Variants in IQSEC1 observed in about 807,000 individuals in gnomAD.
IQSEC1 encodes the protein IQ motif and SEC7 domain-containing protein 1.
Under a neutral mutation model 91.0 loss-of-function variants are expected in IQSEC1, and 31 were observed. That is an observed-to-expected ratio of 0.34 (90% CI 0.26 to 0.46). IQSEC1 has a LOEUF of 0.46. Among genes scored for constraint, IQSEC1 ranks in the 20% least tolerant of loss-of-function variants. The probability of loss-of-function intolerance (pLI) is 1.00; values close to 1 mark genes in which losing one functional copy is unlikely to be tolerated. For missense variants in IQSEC1, 1,388 were observed against 1,575.6 expected, an observed-to-expected ratio of 0.88 and a Z score of 2.02; for synonymous variants, 699 against 662.6, an observed-to-expected ratio of 1.05 and a Z score of -0.84.
At chr3:12,942,630 T>C (rs551074235) in intron 1 of IQSEC1, among the ~76,000 whole-genome samples, 17 of 152,154 alleles carry the variant, frequency 1.1e-4, no homozygotes, top group Admixed American at 2.0e-4. Flanking sequence ...GCCCCAATAA[T>C]TAACAAAAGC....
At chr3:13,248,496 C>A (rs541786626) in intron 1 of IQSEC1, among the ~76,000 whole-genome samples, 1 of 152,144 alleles carries the variant, frequency 6.6e-6, no homozygotes, top group East Asian at 1.9e-4. Context: ...GGAATGCCAA[C>A]CCCTTCCTTG....
chr3:13,108,918 G>A (rs1017284680), intron 2 of IQSEC1, among the ~76,000 whole-genome samples: 1 of 152,238 alleles, frequency 6.6e-6, no homozygotes, highest in African/African-American at 2.4e-5. Context: ...GAAACGTCTT[G>A]AAGGCAAATG....
At chr3:13,174,850 T>G (rs925342932) in intron 1 of IQSEC1, among the ~76,000 whole-genome samples, 1 of 88,488 alleles carries the variant, frequency 1.1e-5, no homozygotes, top group Non-Finnish European at 2.6e-5. Flanking sequence ...CCCCACCTCC[T>G]CCCACCACTG....
intron 2 of IQSEC1, among the ~76,000 whole-genome samples, chr3:13,136,031 C>T (rs1408488103): frequency 6.6e-6 from 1 of 152,240 alleles, no homozygotes; most frequent in Non-Finnish European, 1.5e-5. Flanking sequence ...CCCAGCCCTC[C>T]TCCAAGCTTG....
Position 13,228,352 on chromosome 3 carries a change from G to C in IQSEC1, c.272+54359C>G, listed in dbSNP as rs147873735. 3.3e-5 allele frequency among the ~76,000 whole-genome samples: 5 copies of C among 152,280 alleles called. No individual in the cohort carries two copies. In the East Asian group the frequency reaches 9.6e-4, roughly 29 times the overall value. ...GAAGGAAGCGCACACGTGGGGCTTC[G>C]TGGGCTGGAACTGCATGACCTCGGC... On this transcript the variant is annotated intron_variant, in intron 1 of 15. Coordinates refer to the IQSEC1 transcript ENST00000648114.
chr3:12,963,474 C>G (rs1460554000), intron 1 of IQSEC1, among the ~76,000 whole-genome samples: 1 of 152,234 alleles, frequency 6.6e-6, no homozygotes, highest in African/African-American at 2.4e-5. Flanking sequence ...CATTTTAACT[C>G]AGCAACAATT....
intron 1 of IQSEC1, among the ~76,000 whole-genome samples, chr3:13,035,952 C>A (rs1704020468): frequency 6.6e-6 from 1 of 152,188 alleles, no homozygotes; most frequent in South Asian, 2.1e-4. Context: ...TGGCTGCCAG[C>A]CCTGGCTAAG....
intron 2 of IQSEC1, among the ~76,000 whole-genome samples, chr3:13,092,884 G>C (rs1263590328): frequency 6.6e-6 from 1 of 152,036 alleles, no homozygotes. Context: ...CGAGTCCCGG[G>C]GCCTTTGCCC....
At position 12,899,271 on chromosome 3, in the gene IQSEC1, A is replaced by T; in HGVS notation, c.*1712T>A. ...TCCTCCTGCCGTCCGGCCACGGCTC[A>T]CCACGCTGTCCACTGGGAACGCGGC... On this transcript the variant is annotated 3_prime_UTR_variant, in exon 14 of 14. Coordinates refer to ENST00000613206, the MANE Select transcript of IQSEC1 (RefSeq NM_001134382.3). The T allele has an allele frequency of 8.7e-7, 1 of 1,154,678 alleles. No homozygotes were observed. Among genetic ancestry groups the T allele is most frequent in the Non-Finnish European group, 1.2e-6 (1 of 802,434 alleles). 71.5% of individuals were successfully genotyped at this position (1,154,678 alleles called of 1,614,324 possible). A position where few individuals can be genotyped will look rare whatever the true frequency, so the allele number is the denominator to read the frequency against.
intron 1 of IQSEC1, among the ~76,000 whole-genome samples, chr3:13,059,003 G>T (rs1367040257): frequency 6.6e-6 from 1 of 152,012 alleles, no homozygotes; most frequent in African/African-American, 2.4e-5. Flanking sequence ...GCCCTCACCA[G>T]GGCATGAGAG....
intron 2 of IQSEC1, among the ~76,000 whole-genome samples, chr3:13,153,061 C>G (rs1707026680): frequency 6.6e-6 from 1 of 151,124 alleles, no homozygotes; most frequent in South Asian, 2.1e-4. Flanking sequence ...TTCCCCTCCC[C>G]TATCTACTCC....
intron 1 of IQSEC1, among the ~76,000 whole-genome samples, chr3:13,042,066 T>A (rs550746506): frequency 5.9e-4 from 90 of 152,364 alleles, no homozygotes; most frequent in African/African-American, 2.1e-3. Context: ...GGTGACTCTT[T>A]CTCTGCAGAA....
chr3:13,262,891 AG>A (rs1275978796), intron 1 of IQSEC1, among the ~76,000 whole-genome samples: 3 of 151,800 alleles, frequency 2.0e-5, no homozygotes, highest in Non-Finnish European at 4.4e-5. Context: ...TGGCTGGGGG[AG>A]GGGAGGGGGA....
chr3:13,106,913 C>T (rs1221462595), intron 2 of IQSEC1, among the ~76,000 whole-genome samples: 1 of 152,228 alleles, frequency 6.6e-6, no homozygotes, highest in Non-Finnish European at 1.5e-5. Flanking sequence ...ACACCACATG[C>T]CAGCTCCACG....
rs545002404 is a variant in IQSEC1, at chr3:12,924,520, C to T, written c.1730+61G>A. The T allele has an allele frequency of 2.0e-6, 3 of 1,505,728 alleles. No individual in the cohort carries two copies. In the East Asian group the frequency reaches 7.4e-5, roughly 37 times the overall value. The allele number at this position is 1,505,728 out of a possible 1,614,324, so 93.3% of individuals were successfully genotyped here. A position where few individuals can be genotyped will look rare whatever the true frequency, so the allele number is the denominator to read the frequency against. On this transcript the variant is annotated intron_variant, in intron 4 of 13. Coordinates refer to ENST00000613206, the MANE Select transcript of IQSEC1 (RefSeq NM_001134382.3). This position sits in a 1 kb window ranked among gnomAD's most constrained non-coding sequence, Gnocchi z 6.3. ...TGGCCCTGTGTGTGCCCACGGGTAA[C>T]ACAGGGTGCGTGAGGGCGTGTGTGG...
In IQSEC1 at chr3:12,983,141, T is replaced by C. The variant is rs1170768905; in HGVS notation, c.24-41276A>G. Among the ~76,000 whole-genome samples the C allele has an allele frequency of 1.3e-5, 2 of 152,216 alleles. No homozygotes were observed. The highest frequency in any genetic ancestry group is 2.4e-5 in the African/African-American group (1 of 41,464). On this transcript the variant is annotated intron_variant, in intron 1 of 13. Coordinates refer to ENST00000613206, the MANE Select transcript of IQSEC1 (RefSeq NM_001134382.3). This position sits in a 1 kb window ranked among gnomAD's most constrained non-coding sequence, Gnocchi z 4.3. ...CCCCTCCTATGAGACAGGGACTTTA[T>C]GGCCAGCATTCCGCTGGCCCCAGCT...
chr3:13,104,108 C>T (rs1706107436), intron 2 of IQSEC1, among the ~76,000 whole-genome samples: 1 of 152,148 alleles, frequency 6.6e-6, no homozygotes, highest in Non-Finnish European at 1.5e-5. Flanking sequence ...CCCACTCTTC[C>T]TTACCTGCTC....
intron 8 of IQSEC1, among the ~76,000 whole-genome samples, chr3:12,914,584 G>A (rs1438863766): frequency 2.6e-5 from 4 of 152,178 alleles, no homozygotes; most frequent in East Asian, 1.9e-4. Flanking sequence ...AAGCTGGGGA[G>A]GGTGAGGGCA....
At chr3:13,120,023 C>T (rs1412091446) in intron 2 of IQSEC1, among the ~76,000 whole-genome samples, 2 of 152,160 alleles carry the variant, frequency 1.3e-5, no homozygotes, top group Non-Finnish European at 2.9e-5. Flanking sequence ...CCTGGGCAGG[C>T]TTAGAAAGCA....
Sources: allele counts gnomAD v4.1 joint callset (sites outside exome capture counted in the v4.1 genomes callset), GRCh38; gene constraint gnomAD v4.1.1; non-coding constraint Gnocchi (gnomAD v3.1); transcripts MANE v1.5; gene names NCBI Gene and HGNC (gene_info 2026-07-23, HGNC 2026-07-21).